The following PPP2R5A variants were observed in gnomAD, a reference collection of about 807,000 sequenced individuals.
PPP2R5A encodes the protein serine/threonine-protein phosphatase 2A 56 kDa regulatory subunit alpha isoform.
PPP2R5A carries 25 observed loss-of-function variants against 64.2 expected under a neutral mutation model. The ratio of observed to expected loss-of-function variants is 0.39; its 90% CI spans 0.28 to 0.54. PPP2R5A has a LOEUF of 0.54. PPP2R5A is among the 20% of genes least tolerant of loss of function. The pLI, the probability that PPP2R5A is intolerant of heterozygous loss-of-function variation, is 0.67. For synonymous variants in PPP2R5A, 198 were observed against 201.2 expected, an observed-to-expected ratio of 0.98 and a Z score of 0.13; for missense variants, 425 against 576.3, an observed-to-expected ratio of 0.74 and a Z score of 2.69.
intron 1 of PPP2R5A, among the ~76,000 whole-genome samples, chr1:212,302,846 G>GT (rs1658823644): frequency 6.6e-6 from 1 of 152,030 alleles, no homozygotes; most frequent in South Asian, 2.1e-4. Context: ...ATAATATGTC[G>GT]TCTTTTGTAA....
intron 12 of PPP2R5A, among the ~76,000 whole-genome samples, chr1:212,360,271 C>T (rs913667091): frequency 2.6e-5 from 4 of 152,166 alleles, no homozygotes; most frequent in Admixed American, 1.3e-4. Flanking sequence ...TCCTACTGAC[C>T]TAGTGGCCAG....
chr1:212,330,012 T>C (rs1371170628), intron 2 of PPP2R5A, among the ~76,000 whole-genome samples: 1 of 152,042 alleles, frequency 6.6e-6, no homozygotes, highest in Non-Finnish European at 1.5e-5. Flanking sequence ...ATTTAAGCAG[T>C]GGGTAAGGGA....
chr1:212,316,587 C>CTTTTTTTTTTTTTTTTTTTTTTTTT (rs751228809), intron 1 of PPP2R5A, among the ~76,000 whole-genome samples: 6 of 36,688 alleles, frequency 1.6e-4, no homozygotes, highest in African/African-American at 3.2e-4. Context: ...TTGTGGGTGA[C>CTTTTTTTTTTTTTTTTTTTTTTTTT]TTTTTTTTTT....
chr1:212,306,735 A>G (rs897113684), intron 1 of PPP2R5A: 2 of 131,580 alleles, frequency 1.5e-5, no homozygotes, highest in Non-Finnish European at 3.1e-5. Context: ...TGGTTAATCC[A>G]TTTACATTTA....
chr1:212,355,548 T>C (rs2102449817), intron 8 of PPP2R5A, among the ~76,000 whole-genome samples: 1 of 152,340 alleles, frequency 6.6e-6, no homozygotes, highest in Middle Eastern at 3.4e-3. Context: ...TAAATCATTA[T>C]GTAGAATGAT....
At position 212,347,873 on chromosome 1, in the gene PPP2R5A, A is replaced by G. The variant is rs546369789; in HGVS notation, c.764+467A>G. The stretch of plus-strand genomic sequence containing the variant: ...AGCTGAATTCTTATTACCTTTTGCC[A>G]TAACACTTTGCCTTCCTTATTCACT... On this transcript the variant is annotated intron_variant, in intron 6 of 12. Transcript: ENST00000261461. Among the ~76,000 whole-genome samples, 16 of 152,268 alleles carry G rather than the reference A, an allele frequency of 1.1e-4. No individual in the cohort carries two copies. In the East Asian group the frequency reaches 1.3e-3, roughly 13 times the overall value.
chr1:212,320,531 G>A (rs1659253189), intron 1 of PPP2R5A, among the ~76,000 whole-genome samples: 1 of 151,672 alleles, frequency 6.6e-6, no homozygotes, highest in Non-Finnish European at 1.5e-5. Context: ...GCCGGGCAGA[G>A]GCGCCCCTCA....
chr1:212,328,976 G>T (rs986432754), intron 1 of PPP2R5A, among the ~76,000 whole-genome samples, 159 bp from the exon 2 acceptor site: 1 of 152,006 alleles, frequency 6.6e-6, no homozygotes, highest in East Asian at 1.9e-4. Flanking sequence ...GAAGAGTCCA[G>T]TATAAATCCC....
At chr1:212,293,114 T>A (rs942430972) in intron 1 of PPP2R5A, among the ~76,000 whole-genome samples, 1 of 152,238 alleles carries the variant, frequency 6.6e-6, no homozygotes, top group African/African-American at 2.4e-5. Context: ...TTGGACAAGC[T>A]TGATTTAAAG....
At chr1:212,337,661 T>C (rs1304758376) in intron 3 of PPP2R5A, among the ~76,000 whole-genome samples, 6 of 152,182 alleles carry the variant, frequency 3.9e-5, no homozygotes, top group African/African-American at 1.2e-4. Flanking sequence ...AGAAATACTT[T>C]CATTGCTTTG....
intron 5 of PPP2R5A, 124 bp from the exon 6 acceptor site, chr1:212,347,223 C>G: frequency 2.9e-6 from 2 of 690,836 alleles, no homozygotes; most frequent in Non-Finnish European, 4.9e-6. Flanking sequence ...GCTTATAAGA[C>G]CCAAAACATG....
intron 2 of PPP2R5A, 30 bp from the exon 3 acceptor site, chr1:212,333,467 A>G (rs563956368): frequency 1.4e-6 from 2 of 1,384,356 alleles, no homozygotes; most frequent in Non-Finnish European, 2.0e-6. Flanking sequence ...CACATACAAC[A>G]ACGAACGTAA....
intron 7 of PPP2R5A, 125 bp from the exon 8 acceptor site, chr1:212,349,064 A>G (rs1231882297): frequency 2.0e-6 from 1 of 502,712 alleles, no homozygotes; most frequent in Non-Finnish European, 3.3e-6. Context: ...AGTTGTGAGT[A>G]TATTTTTATA....
At chr1:212,294,962 A>C (rs1280123347) in intron 1 of PPP2R5A, among the ~76,000 whole-genome samples, 2 of 152,198 alleles carry the variant, frequency 1.3e-5, no homozygotes, top group East Asian at 3.9e-4. Context: ...GTAATTGAGC[A>C]TAGCATATTT....
intron 3 of PPP2R5A, among the ~76,000 whole-genome samples, chr1:212,340,777 C>G (rs1659673041): frequency 6.6e-6 from 1 of 152,170 alleles, no homozygotes. Context: ...GATCCCCAAA[C>G]TTTTGTTAGC....
At chr1:212,313,033 T>C (rs1270950957) in intron 1 of PPP2R5A, among the ~76,000 whole-genome samples, 1 of 152,200 alleles carries the variant, frequency 6.6e-6, no homozygotes, top group Non-Finnish European at 1.5e-5. Context: ...TTTAGTACTT[T>C]CCTATGCAAA....
intron 1 of PPP2R5A, among the ~76,000 whole-genome samples, chr1:212,295,512 T>A (rs1658677083): frequency 6.6e-6 from 1 of 152,138 alleles, no homozygotes. Context: ...CATGTGGCAT[T>A]TGGAGCAATG....
At chr1:212,318,012 G>T (rs894874676) in intron 1 of PPP2R5A, among the ~76,000 whole-genome samples, 1 of 152,156 alleles carries the variant, frequency 6.6e-6, no homozygotes, top group Non-Finnish European at 1.5e-5. Flanking sequence ...TGAAAAAGAC[G>T]TAAGAATTTG....
rs1339459138 is a variant in PPP2R5A, at chr1:212,286,075, C to T, written c.-36C>T. On this transcript the variant is annotated 5_prime_UTR_variant, in exon 1 of 13. Coordinates refer to ENST00000261461, the MANE Select transcript of PPP2R5A (RefSeq NM_006243.4). ...TCCGCCGCTGCCCGTGCCTTGCAAG[C>T]AGCAGCCGGAGCTGCCAAGCGTCAG... 1.3e-6 allele frequency: 2 copies of T among 1,505,828 alleles called. No individual in the cohort carries two copies. The highest frequency in any genetic ancestry group is 2.1e-5 in the Admixed American group (1 of 48,188). The allele number at this position is 1,505,828 out of a possible 1,614,324, so 93.3% of individuals were successfully genotyped here. A position where few individuals can be genotyped will look rare whatever the true frequency, so the allele number is the denominator to read the frequency against.
Sources: allele counts gnomAD v4.1 joint callset (sites outside exome capture counted in the v4.1 genomes callset), GRCh38; gene constraint gnomAD v4.1.1; transcripts MANE v1.5; gene names NCBI Gene and HGNC (gene_info 2026-07-23, HGNC 2026-07-21).